The following CNTN4 variants were observed in gnomAD, a reference collection of about 807,000 sequenced individuals.
CNTN4 encodes contactin 4, also known as contactin-4.
CNTN4 carries 77 observed loss-of-function variants against 122.5 expected under a neutral mutation model. The observed-to-expected ratio is 0.63, with a 90% CI of 0.52 to 0.76. The LOEUF (loss-of-function observed/expected upper bound fraction) is 0.76. Ranked by LOEUF, CNTN4 falls within the 30% of genes least tolerant of loss-of-function variation. CNTN4 has a pLI of 0.00. For synonymous variants in CNTN4, 512 were observed against 447.0 expected, an observed-to-expected ratio of 1.15 and a Z score of -1.83; for missense variants, 1,256 against 1,259.1, an observed-to-expected ratio of 1.00 and a Z score of 0.04.
At chr3:2,221,747 C>T (rs537138695) in intron 2 of CNTN4, among the ~76,000 whole-genome samples, 2 of 152,132 alleles carry the variant, frequency 1.3e-5, no homozygotes, top group South Asian at 4.1e-4. Flanking sequence ...TGAATAGACA[C>T]AGCTTCAAAG....
At chr3:2,581,870 G>T (rs1159661544) in intron 4 of CNTN4, among the ~76,000 whole-genome samples, 3 of 152,288 alleles carry the variant, frequency 2.0e-5, no homozygotes, top group Middle Eastern at 3.4e-3. Flanking sequence ...TGAAGATACC[G>T]TGCTAAGTGA....
At chr3:3,049,239 C>CAACTGGCTAACCCAGCTGCCT (rs1701011162) in intron 23 of CNTN4, among the ~76,000 whole-genome samples, 1 of 152,098 alleles carries the variant, frequency 6.6e-6, no homozygotes, top group Non-Finnish European at 1.5e-5. Context: ...CCCACCACCA[C>CAACTGGCTAACCCAGCTGCCT]GACTGGCTGA....
At chr3:2,759,562 T>G (rs2090491941) in intron 6 of CNTN4, among the ~76,000 whole-genome samples, 1 of 152,212 alleles carries the variant, frequency 6.6e-6, no homozygotes, top group South Asian at 2.1e-4. Flanking sequence ...TTAGCTATTA[T>G]GAATAATGCT....
At chr3:2,605,676 A>G (rs768386885) in intron 4 of CNTN4, among the ~76,000 whole-genome samples, 1 of 152,136 alleles carries the variant, frequency 6.6e-6, no homozygotes, top group Non-Finnish European at 1.5e-5. Context: ...AGGTGGAGCT[A>G]TCAGATTTGT....
chr3:3,018,716 T>C (rs567723869), intron 14 of CNTN4, among the ~76,000 whole-genome samples: 2 of 152,322 alleles, frequency 1.3e-5, no homozygotes, highest in East Asian at 3.9e-4. Flanking sequence ...ATTTCCCAGC[T>C]CTGTTGCTGA....
intron 2 of CNTN4, among the ~76,000 whole-genome samples, chr3:2,260,224 A>T (rs2149741787): frequency 6.6e-6 from 1 of 152,200 alleles, no homozygotes. Context: ...ATTTTGGGCC[A>T]GGTGATTGTT....
chr3:2,258,466 ATAAG>A lies in CNTN4; in HGVS notation c.-144-80707_-144-80704del, dbSNP rs574950574. On this transcript the variant is annotated intron_variant, in intron 2 of 24. Transcript: ENST00000418658. ...TATACATTTAGGAAATTACTTCCTA[ATAAG>A]TAAGAAGTACATCTAGATAGTTGTT... is the stretch of plus-strand genomic sequence containing the variant. Among the ~76,000 whole-genome samples, 35 of 152,270 alleles carry A rather than the reference ATAAG, an allele frequency of 2.3e-4. No homozygotes were observed. The East Asian group carries it at 6.8e-3, about 29-fold the overall frequency.
chr3:2,345,895 G>A lies in CNTN4; in HGVS notation c.-89+6662G>A, dbSNP rs557798073. 2.0e-5 allele frequency among the ~76,000 whole-genome samples: 3 copies of A among 152,234 alleles called. No homozygotes were observed. The South Asian group carries it at 6.2e-4, about 32-fold the overall frequency. ...TGATCCTCTTTTTATTCCTGATGAT[G>A]CTTGTTGACAAAATATTACTTCATT... On this transcript the variant is annotated intron_variant, in intron 3 of 24. Coordinates refer to ENST00000418658, the MANE Select transcript of CNTN4 (RefSeq NM_175607.3).
intron 4 of CNTN4, among the ~76,000 whole-genome samples, chr3:2,596,218 A>G (rs2080764188): frequency 6.6e-6 from 1 of 152,196 alleles, no homozygotes; most frequent in Non-Finnish European, 1.5e-5. Context: ...TGATTTATGT[A>G]TTTACTTGGA....
intron 6 of CNTN4, among the ~76,000 whole-genome samples, chr3:2,786,031 C>T (rs944498790): frequency 4.0e-5 from 6 of 151,854 alleles, no homozygotes; most frequent in African/African-American, 1.2e-4. Context: ...AGACTACAAT[C>T]GGAGAGGATT....
chr3:2,289,292 G>A (rs1284962536), intron 2 of CNTN4, among the ~76,000 whole-genome samples: 5 of 152,166 alleles, frequency 3.3e-5, no homozygotes, highest in African/African-American at 1.2e-4. Context: ...TGTCATTTGG[G>A]ACTTTTGCAC....
At chr3:3,050,336 G>T (rs1701127860) in intron 23 of CNTN4, among the ~76,000 whole-genome samples, 1 of 152,014 alleles carries the variant, frequency 6.6e-6, no homozygotes, top group African/African-American at 2.4e-5. Context: ...TATGCAGGCT[G>T]GTTATGACCC....
intron 23 of CNTN4, among the ~76,000 whole-genome samples, chr3:3,053,128 G>A (rs548515135): frequency 6.7e-4 from 102 of 152,222 alleles, no homozygotes; most frequent in Admixed American, 1.6e-3. Context: ...TCTGCCTCCC[G>A]GGTGCAAGCA....
chr3:2,771,192 G>A (rs935707350), intron 6 of CNTN4, among the ~76,000 whole-genome samples: 1 of 152,226 alleles, frequency 6.6e-6, no homozygotes, highest in Non-Finnish European at 1.5e-5. Flanking sequence ...CCTCTCCCCC[G>A]AGGATGGAAC....
At chr3:2,593,143 C>A (rs1018996369) in intron 4 of CNTN4, among the ~76,000 whole-genome samples, 1 of 152,104 alleles carries the variant, frequency 6.6e-6, no homozygotes, top group African/African-American at 2.4e-5. Flanking sequence ...GATATTTGGT[C>A]TATACATTTT....
rs367711826 is a variant in CNTN4, at chr3:2,323,192, TATG to T, written c.-144-15983_-144-15981del. The stretch of plus-strand genomic sequence containing the variant: ...TTTCATAGACATGCACCGCTGGAAC[TATG>T]ATTATTACAGGATGAAGTCTCCTAT... On this transcript the variant is annotated intron_variant, in intron 2 of 24. Coordinates refer to ENST00000418658, the MANE Select transcript of CNTN4 (RefSeq NM_175607.3). 4.2e-3 allele frequency among the ~76,000 whole-genome samples: 642 copies of T among 152,268 alleles called. 2 individuals carry two copies. The highest frequency in any genetic ancestry group is 0.015 in the African/African-American group (609 of 41,548).
chr3:2,724,321 C>T (rs184093629), intron 4 of CNTN4, among the ~76,000 whole-genome samples: 1 of 152,266 alleles, frequency 6.6e-6, no homozygotes, highest in African/African-American at 2.4e-5. Context: ...ATCTGGAGCC[C>T]CTTACCTGCC....
intron 12 of CNTN4, among the ~76,000 whole-genome samples, chr3:2,910,728 C>G (rs897606258): frequency 6.6e-5 from 10 of 152,056 alleles, no homozygotes; most frequent in Non-Finnish European, 1.5e-5. Context: ...TATTTTTCCC[C>G]CTCCACCACC....
intron 2 of CNTN4, among the ~76,000 whole-genome samples, chr3:2,212,710 A>G (rs985997676): frequency 6.6e-6 from 1 of 152,244 alleles, no homozygotes. Flanking sequence ...AATTTAGTTT[A>G]AAATAGTGTT....
Sources: allele counts gnomAD v4.1 joint callset (sites outside exome capture counted in the v4.1 genomes callset), GRCh38; gene constraint gnomAD v4.1.1; transcripts MANE v1.5; gene names NCBI Gene and HGNC (gene_info 2026-07-23, HGNC 2026-07-21).